The following PSMD8 variants were observed in gnomAD, a reference collection of about 807,000 sequenced individuals.
The protein encoded by PSMD8 is proteasome 26S subunit, non-ATPase 8.
In PSMD8, 30 loss-of-function variants were observed where a neutral mutation model predicts 40.0. The ratio of observed to expected loss-of-function variants is 0.75; its 90% CI spans 0.56 to 1.02. The LOEUF (loss-of-function observed/expected upper bound fraction) is 1.02, where lower values mean the gene tolerates loss of function less well. PSMD8 is among the 50% of genes least tolerant of loss of function. The pLI is 0.00. For synonymous variants in PSMD8, 208 were observed against 192.5 expected (o/e 1.08, Z -0.67); for missense variants, 461 against 463.9 (o/e 0.99, Z 0.06).
intron 5 of PSMD8, 77 bp downstream of exon 5, chr19:38,381,076 A>C: frequency 1.7e-6 from 2 of 1,166,396 alleles, no homozygotes; most frequent in Non-Finnish European, 2.4e-6. Context: ...TCTGAATCTC[A>C]TTCCAGCCAT....
intron 2 of PSMD8, 48 bp downstream of exon 2, chr19:38,376,280 C>G: frequency 4.5e-6 from 7 of 1,545,080 alleles, no homozygotes; most frequent in Non-Finnish European, 6.2e-6. Flanking sequence ...GGGGTCATGG[C>G]AGGAATGGTA....
Position 38,383,372 on chromosome 19 carries a change from G to A in PSMD8, c.1035G>A (p.Gln345=). Residue 345 remains glutamine, a synonymous_variant, in exon 7 of 7, where the codon CAG becomes CAA. Transcript: ENST00000215071. ...LAKQVIEYAR[Q]LEMIV is the part of the protein sequence containing the mutation. ...AACAGGTCATCGAGTATGCCCGGCAGCTGGAGATGATCGTCTGAGCCCCCC... is the reference window on the plus strand; with the variant it reads ...AACAGGTCATCGAGTATGCCCGGCAACTGGAGATGATCGTCTGAGCCCCCC... 6.2e-7 allele frequency: 1 copy of A among 1,613,996 alleles called. No individual in the cohort carries two copies. The highest frequency in any genetic ancestry group is 8.5e-7 in the Non-Finnish European group (1 of 1,179,900).
At chr19:38,379,748 G>A (rs1970624668) in intron 4 of PSMD8, among the ~76,000 whole-genome samples, 1 of 152,224 alleles carries the variant, frequency 6.6e-6, no homozygotes, top group Non-Finnish European at 1.5e-5. Flanking sequence ...GGCAGGGATG[G>A]GTGATATTTA....
intron 1 of PSMD8, 173 bp downstream of exon 1, chr19:38,375,134 A>G: frequency 1.8e-6 from 2 of 1,129,008 alleles, no homozygotes; most frequent in South Asian, 3.3e-5. Context: ...GGGGGCTCGG[A>G]GGGCGTCAAG....
chr19:38,375,280 A>ATT, intron 1 of PSMD8: 3 of 292,124 alleles, frequency 1.0e-5, no homozygotes, highest in Non-Finnish European at 1.3e-5. Flanking sequence ...CTGTCTCTAC[A>ATT]TTTTTTTTTT....
chr19:38,377,929 C>T (rs1033251182), intron 3 of PSMD8, among the ~76,000 whole-genome samples: 3 of 152,338 alleles, frequency 2.0e-5, no homozygotes, highest in African/African-American at 4.8e-5. Flanking sequence ...CGTGAGCCAC[C>T]GCGCCCGGCC....
rs770607055 is a variant in PSMD8, at chr19:38,379,291, C to T, written c.588C>T (p.Leu196=). The change falls in exon 4 of 7, where the codon CTC becomes CTT. Residue 196 remains leucine, a synonymous_variant. Coordinates refer to ENST00000215071, the MANE Select transcript of PSMD8 (RefSeq NM_002812.5). ...AYMHQLLGLN[L]LFLLSQNRVA... is the part of the protein sequence containing the mutation. ...TGCACCAGCTCTTGGGCCTCAACCT[C>T]CTCTTCCTGCTGTCCCAGAACCGGG... The T allele has an allele frequency of 3.7e-6, 6 of 1,614,012 alleles. No homozygotes were observed. In the Admixed American group the frequency reaches 6.7e-5, roughly 18 times the overall value.
chr19:38,379,903 G>A (rs1340422102), intron 4 of PSMD8, among the ~76,000 whole-genome samples: 4 of 152,224 alleles, frequency 2.6e-5, no homozygotes, highest in African/African-American at 9.6e-5. Context: ...CAAGGCTGCA[G>A]TGTGCTATGA....
rs201059049 is a variant in PSMD8, at chr19:38,378,657, GAAAA to G, written c.537-573_537-570del. On this transcript the variant is annotated intron_variant, in intron 3 of 6. Transcript: ENST00000215071. ...CAGAGCAAGACCTTGTCTCGGAATT[GAAAA>G]AAAAAAAAAGGGCTGGGCGCAGTGG... Among the ~76,000 whole-genome samples the G allele has an allele frequency of 2.8e-4, 37 of 133,300 alleles. 1 individual carries two copies. The highest frequency in any genetic ancestry group is 9.1e-4 in the African/African-American group (33 of 36,186). The allele number at this position is 133,300 out of a possible 152,430, so 87.4% of individuals were successfully genotyped here. A position where few individuals can be genotyped will look rare whatever the true frequency, so the allele number is the denominator to read the frequency against.
In PSMD8 at chr19:38,383,391, G is replaced by GC. The variant is rs773871194; in HGVS notation, c.*7dup. ...CCGGCAGCTGGAGATGATCGTCTGA[G>GC]CCCCCCGGGCACTGGGTGGGGCAGG... On this transcript the variant is annotated 3_prime_UTR_variant, in exon 7 of 7. Transcript: ENST00000215071. 1.2e-6 allele frequency: 2 copies of GC among 1,613,878 alleles called. No individual in the cohort carries two copies. The highest frequency in any genetic ancestry group is 8.5e-7 in the Non-Finnish European group (1 of 1,179,852).
Position 38,380,928 on chromosome 19 carries a change from G to A in PSMD8, c.732G>A (p.Val244=). The change falls in exon 5 of 7, where the codon GTG becomes GTA. Residue 244 remains valine (V), a synonymous_variant. Transcript: ENST00000215071. ...QYLMEGSYNK[V]FLAKGNIPAE... is the part of the protein sequence containing the mutation. The stretch of plus-strand genomic sequence containing the variant: ...TGATGGAGGGCAGCTACAACAAAGT[G>A]TTCCTGGCCAAGGGTAACATCCCCG... 6.3e-7 allele frequency: 1 copy of A among 1,578,846 alleles called. No homozygotes were observed. The highest frequency in any genetic ancestry group is 1.2e-5 in the South Asian group (1 of 86,476).
Position 38,374,820 on chromosome 19 carries a change from A to C in PSMD8, c.219A>C (p.Ala73=), listed in dbSNP as rs561730518. The C allele has an allele frequency of 1.3e-6, 2 of 1,573,928 alleles. No individual in the cohort carries two copies. Among genetic ancestry groups the C allele is most frequent in the East Asian group, 4.6e-5 (2 of 43,340 alleles). Residue 73 remains alanine, a synonymous_variant, in exon 1 of 7, where the codon GCA becomes GCC. Coordinates refer to ENST00000215071, the MANE Select transcript of PSMD8 (RefSeq NM_002812.5). ...CGGCCGCGGCGGTGAACGGGGCGGC[A>C]GGCTTCTCGAGCTCCGGGCCCGCGG... ...KMAAAAVNGA[A]GFSSSGPAAT...
chr19:38,383,295 A>G lies in PSMD8; in HGVS notation c.958A>G (p.Ser320Gly), dbSNP rs759417453. Residue 320 changes from serine (S) to glycine (G), a missense_variant, in exon 7 of 7, where the codon AGC (serine) becomes GGC (glycine). Coordinates refer to ENST00000215071, the MANE Select transcript of PSMD8 (RefSeq NM_002812.5). ...LGPNNYYSFA[S>G]QQQKPEDTTI... ...CCCCAACAACTACTACAGTTTTGCCAGCCAGCAGCAGAAGCCGGAAGACAC... is the reference window on the plus strand; with the variant it reads ...CCCCAACAACTACTACAGTTTTGCCGGCCAGCAGCAGAAGCCGGAAGACAC... The G allele has an allele frequency of 5.6e-6, 9 of 1,613,386 alleles. No individual in the cohort carries two copies. The highest frequency in any genetic ancestry group is 1.3e-5 in the African/African-American group (1 of 74,920).
At chr19:38,381,138 C>G in intron 5 of PSMD8, 139 bp downstream of exon 5, 2 of 651,626 alleles carry the variant, frequency 3.1e-6, no homozygotes, top group South Asian at 4.2e-5. Flanking sequence ...CACCTCAGCT[C>G]TCCTTTTCAG....
At chr19:38,381,486 A>G (rs1970640217) in intron 5 of PSMD8, among the ~76,000 whole-genome samples, 1 of 152,212 alleles carries the variant, frequency 6.6e-6, no homozygotes, top group African/African-American at 2.4e-5. Flanking sequence ...AAGGGTGTCG[A>G]AGTGGTGGCT....
In PSMD8 at chr19:38,376,152, C is replaced by G. The variant is rs375679094; in HGVS notation, c.361-8C>G. 2.7e-5 allele frequency: 43 copies of G among 1,597,056 alleles called. No homozygotes were observed. The highest frequency in any genetic ancestry group is 3.7e-5 in the Non-Finnish European group (43 of 1,167,412). On this transcript the variant is annotated splice_polypyrimidine_tract_variant and splice_region_variant and intron_variant, in intron 1 of 6. Transcript: ENST00000215071. Reference sequence around the variant, plus strand: ...TTTTCTTTCTTCCCTCCCTCCCCTCCCCATCAGCTAGTTCTTCTGGAGCTC... The same window carrying G: ...TTTTCTTTCTTCCCTCCCTCCCCTCGCCATCAGCTAGTTCTTCTGGAGCTC...
intron 3 of PSMD8, among the ~76,000 whole-genome samples, chr19:38,376,698 C>T (rs892404694): frequency 3.3e-5 from 5 of 152,228 alleles, no homozygotes; most frequent in East Asian, 1.9e-4. Flanking sequence ...TCACCTTTCA[C>T]GTGTCCTGGC....
intron 1 of PSMD8, among the ~76,000 whole-genome samples, chr19:38,375,783 T>A (rs969552334): frequency 1.3e-5 from 2 of 151,902 alleles, no homozygotes; most frequent in African/African-American, 4.8e-5. Context: ...TGGGGGGAGA[T>A]TTGGACCTCC....
rs865788697 is a variant in PSMD8, at chr19:38,374,878, G to T, written c.277G>T (p.Gly93Cys). ...GGGCGCTGTTCTGCAGGCCGCGACCGGCATGTACGAGCAACTCAAGGGCGA... is the reference window on the plus strand; with the variant it reads ...GGGCGCTGTTCTGCAGGCCGCGACCTGCATGTACGAGCAACTCAAGGGCGA... ...TSGAVLQAAT[G>C]MYEQLKGEWN... The change falls in exon 1 of 7, where the codon GGC (glycine) becomes TGC (cysteine). Residue 93 changes from glycine (G) to cysteine (C), a missense_variant. By Grantham distance (159) the Gly-to-Cys change is radical. This residue lies in a region of PSMD8 where 225 missense variants were observed against 142.7 expected (regional missense o/e 1.58). Coordinates refer to ENST00000215071, the MANE Select transcript of PSMD8 (RefSeq NM_002812.5). The T allele has an allele frequency of 5.0e-6, 8 of 1,587,116 alleles. No homozygotes were observed. The highest frequency in any genetic ancestry group is 6.8e-6 in the Non-Finnish European group (8 of 1,174,666).
Sources: allele counts gnomAD v4.1 joint callset (sites outside exome capture counted in the v4.1 genomes callset), GRCh38; gene constraint gnomAD v4.1.1; regional missense constraint gnomAD v4.1.1; transcripts MANE v1.5; gene names NCBI Gene and HGNC (gene_info 2026-07-23, HGNC 2026-07-21).